The following MFSD6 variants were observed in gnomAD, a reference collection of about 807,000 sequenced individuals.
The protein encoded by MFSD6 is major facilitator superfamily domain-containing protein 6.
Under a neutral mutation model 56.3 loss-of-function variants are expected in MFSD6, and 26 were observed. The ratio of observed to expected loss-of-function variants is 0.46; its 90% CI spans 0.34 to 0.64. The LOEUF (loss-of-function observed/expected upper bound fraction) is 0.64. Ranked by LOEUF, MFSD6 falls within the 30% of genes least tolerant of loss-of-function variation. The pLI is 0.01. For synonymous variants in MFSD6, 331 were observed against 366.9 expected, an observed-to-expected ratio of 0.90 and a Z score of 1.12; for missense variants, 750 against 986.2, an observed-to-expected ratio of 0.76 and a Z score of 3.21.
Position 190,501,356 on chromosome 2 carries a change from ACAGT to A in MFSD6, c.*1142_*1145del, listed in dbSNP as rs1438375352. 1 of 152,218 alleles carries A rather than the reference ACAGT, an allele frequency of 6.6e-6. No homozygotes were observed. Among genetic ancestry groups the A allele is most frequent in the African/African-American group, 2.4e-5 (1 of 41,442 alleles). The allele number at this position is 152,218 out of a possible 1,614,324, so 9.4% of individuals were successfully genotyped here. A position where few individuals can be genotyped will look rare whatever the true frequency, so the allele number is the denominator to read the frequency against. On this transcript the variant is annotated 3_prime_UTR_variant, in exon 8 of 8. Coordinates refer to ENST00000392328, the MANE Select transcript of MFSD6 (RefSeq NM_017694.4). ...TCAGTATATTCGTTCTCATGAAGAC[ACAGT>A]CAGACACTGGACAATGTAATGTATG...
chr2:190,428,760 C>T (rs1193088197), intron 2 of MFSD6, among the ~76,000 whole-genome samples: 2 of 152,036 alleles, frequency 1.3e-5, no homozygotes, highest in East Asian at 1.9e-4. Flanking sequence ...TGCAACCCTG[C>T]TTCCTGGGTT....
At position 190,456,857 on chromosome 2, in the gene MFSD6, T is replaced by C. The variant is rs1010801031; in HGVS notation, c.1533-12901T>C. Among the ~76,000 whole-genome samples the C allele has an allele frequency of 3.9e-5, 6 of 152,334 alleles. No individual in the cohort carries two copies. The highest frequency in any genetic ancestry group is 2.1e-4 in the South Asian group (1 of 4,830). Reference sequence around the variant, plus strand: ...TTCTTCTCATAACACAGAATTTTGCTTCTGGGTAAGCTTTTCTCCTTTGAT... The same window carrying C: ...TTCTTCTCATAACACAGAATTTTGCCTCTGGGTAAGCTTTTCTCCTTTGAT... On this transcript the variant is annotated intron_variant, in intron 3 of 7. Coordinates refer to ENST00000392328, the MANE Select transcript of MFSD6 (RefSeq NM_017694.4). This position sits in a 1 kb window ranked among gnomAD's most constrained non-coding sequence, Gnocchi z 5.4.
intron 2 of MFSD6, among the ~76,000 whole-genome samples, chr2:190,422,366 C>T (rs1050004479): frequency 2.6e-5 from 4 of 152,156 alleles, no homozygotes; most frequent in Non-Finnish European, 5.9e-5. Context: ...TGCTTCTCTC[C>T]CATGTTAGAT....
rs1575823098 is a variant in MFSD6 at position 190,424,273 on chromosome 2, G to T, written c.-54+8860G>T. ...TCTAAATGTTTTATAGTTTCAAATT[G>T]TATAGTTAATGATCCATTTTGAGTT... On this transcript the variant is annotated intron_variant, in intron 2 of 7. Coordinates refer to ENST00000392328, the MANE Select transcript of MFSD6 (RefSeq NM_017694.4). This position sits in a 1 kb window ranked among gnomAD's most constrained non-coding sequence, Gnocchi z 5.9. 1.4e-5 allele frequency among the ~76,000 whole-genome samples: 2 copies of T among 147,180 alleles called. No individual in the cohort carries two copies. Among genetic ancestry groups the T allele is most frequent in the Admixed American group, 6.8e-5 (1 of 14,694 alleles).
chr2:190,420,837 AT>A (rs553332775), intron 2 of MFSD6, among the ~76,000 whole-genome samples: 152 of 152,346 alleles, frequency 1.0e-3, no homozygotes, highest in Middle Eastern at 3.4e-3. Flanking sequence ...GTAAAAAAAA[AT>A]AATGACCTGA....
intron 2 of MFSD6, among the ~76,000 whole-genome samples, chr2:190,421,736 T>A (rs543119957): frequency 0.013 from 1,706 of 133,898 alleles, 15 homozygotes; most frequent in South Asian, 0.07. Flanking sequence ...AAAAAAAAAA[T>A]TTTTTTTAAA....
intron 4 of MFSD6, among the ~76,000 whole-genome samples, chr2:190,482,269 C>T (rs951961722): frequency 1.3e-5 from 2 of 152,162 alleles, no homozygotes; most frequent in Non-Finnish European, 2.9e-5. Flanking sequence ...GAAAAGAAAA[C>T]ATTTAATGTG....
chr2:190,470,988 T>C (rs2125149811), intron 4 of MFSD6, among the ~76,000 whole-genome samples: 1 of 152,244 alleles, frequency 6.6e-6, no homozygotes, highest in East Asian at 1.9e-4. Context: ...TACAAATATA[T>C]AGAAAATGGA....
rs1310538120 is a variant in MFSD6, at chr2:190,426,353, T to C, written c.-53-9624T>C. 6.6e-6 allele frequency among the ~76,000 whole-genome samples: 1 copy of C among 152,220 alleles called. No individual in the cohort carries two copies. The highest frequency in any genetic ancestry group is 2.4e-5 in the African/African-American group (1 of 41,472). ...TAAGTGTATCCATTAAGATTTATTT[T>C]TGTGGTTGTATTTTCCAGTTATAAG... On this transcript the variant is annotated intron_variant, in intron 2 of 7. Transcript: ENST00000392328. This position sits in a 1 kb window ranked among gnomAD's most constrained non-coding sequence, Gnocchi z 4.7.
chr2:190,408,852 C>T (rs1294528438), intron 1 of MFSD6, among the ~76,000 whole-genome samples: 2 of 152,212 alleles, frequency 1.3e-5, no homozygotes, highest in East Asian at 1.9e-4. Context: ...CCAGGGAGCC[C>T]TCGCCGGGCG....
chr2:190,483,032 C>T (rs1688784792), intron 4 of MFSD6, among the ~76,000 whole-genome samples: 1 of 151,100 alleles, frequency 6.6e-6, no homozygotes, highest in Non-Finnish European at 1.5e-5. Flanking sequence ...GCTGGGACTA[C>T]AGGCGCCTGC....
chr2:190,466,892 G>A (rs1687635138), intron 3 of MFSD6, among the ~76,000 whole-genome samples: 1 of 152,284 alleles, frequency 6.6e-6, no homozygotes, highest in East Asian at 1.9e-4. Context: ...TTGTGAACCG[G>A]TCACTCCAGT....
chr2:190,482,184 C>A (rs1381359779), intron 4 of MFSD6, among the ~76,000 whole-genome samples: 1 of 152,188 alleles, frequency 6.6e-6, no homozygotes, highest in African/African-American at 2.4e-5. Flanking sequence ...TTCTCTGTAA[C>A]CTGGATCCCT....
intron 4 of MFSD6, among the ~76,000 whole-genome samples, chr2:190,478,086 T>G (rs895412942): frequency 3.3e-5 from 5 of 152,216 alleles, no homozygotes; most frequent in Non-Finnish European, 7.3e-5. Flanking sequence ...AATACTTGTA[T>G]GCACCTCAGG....
chr2:190,440,838 A>T (rs891666269), intron 3 of MFSD6, among the ~76,000 whole-genome samples: 2 of 152,224 alleles, frequency 1.3e-5, no homozygotes, highest in African/African-American at 4.8e-5. Context: ...CTAGCCAGTC[A>T]GTTTGGGAAA....
rs1686727022 is a variant in MFSD6 at position 190,450,186 on chromosome 2, A to G, written c.1532+12625A>G. Among the ~76,000 whole-genome samples, 4 of 152,162 alleles carry G rather than the reference A, an allele frequency of 2.6e-5. No homozygotes were observed. The South Asian group carries it at 6.2e-4, about 24-fold the overall frequency. On this transcript the variant is annotated intron_variant, in intron 3 of 7. Coordinates refer to ENST00000392328, the MANE Select transcript of MFSD6 (RefSeq NM_017694.4). ...TGTCAGTTTACTGCGTTTTTATTGT[A>G]CAAGTCAAAAGTCTTAACTAATTGG...
At chr2:190,470,587 G>A (rs191895206) in intron 4 of MFSD6, among the ~76,000 whole-genome samples, 3 of 152,252 alleles carry the variant, frequency 2.0e-5, no homozygotes, top group East Asian at 1.9e-4. Flanking sequence ...GTTGAGTGAC[G>A]GTCCAGGCTA....
chr2:190,474,738 C>G (rs1054124728), intron 4 of MFSD6, among the ~76,000 whole-genome samples: 37 of 152,298 alleles, frequency 2.4e-4, no homozygotes, highest in African/African-American at 8.4e-4. Context: ...CATCCTGATA[C>G]CAAAGCCTGG....
chr2:190,457,047 C>A lies in MFSD6; in HGVS notation c.1533-12711C>A, dbSNP rs1687078580. Among the ~76,000 whole-genome samples the A allele has an allele frequency of 6.6e-6, 1 of 152,008 alleles. No individual in the cohort carries two copies. Among genetic ancestry groups the A allele is most frequent in the South Asian group, 2.1e-4 (1 of 4,808 alleles). On this transcript the variant is annotated intron_variant, in intron 3 of 7. Coordinates refer to ENST00000392328, the MANE Select transcript of MFSD6 (RefSeq NM_017694.4). This position sits in a 1 kb window ranked among gnomAD's most constrained non-coding sequence, Gnocchi z 5.1. ...GCGCGCACAGCTGAGTTCAGAAGTC[C>A]AGAAGTCTATCTACACTAACACTGC... is the stretch of plus-strand genomic sequence containing the variant.
Sources: allele counts gnomAD v4.1 joint callset (sites outside exome capture counted in the v4.1 genomes callset), GRCh38; gene constraint gnomAD v4.1.1; non-coding constraint Gnocchi (gnomAD v3.1); transcripts MANE v1.5; gene names NCBI Gene and HGNC (gene_info 2026-07-23, HGNC 2026-07-21).